FAU: variants seen among roughly 807,000 people sequenced by gnomAD.
FAU encodes the protein FAU ubiquitin like and ribosomal protein S30 fusion, also known as ubiquitin-like FUBI-ribosomal protein eS30 fusion protein.
For synonymous variants in FAU, 70 were observed against 69.9 expected, an observed-to-expected ratio of 1.00 and a Z score of -0.01; for missense variants, 125 against 173.9, an observed-to-expected ratio of 0.72 and a Z score of 1.58.
rs1279696659 is a variant in FAU, at chr11:65,121,367, A to T, written c.220+133T>A. ...GTTCAACATGAGGGATGTAAACAGGAAGAATCACTCTGAACTGAAGACAGT... is the reference window on the plus strand; with the variant it reads ...GTTCAACATGAGGGATGTAAACAGGTAGAATCACTCTGAACTGAAGACAGT... On this transcript the variant is annotated intron_variant, in intron 3 of 4. Transcript: ENST00000529639. 2.4e-6 allele frequency: 3 copies of T among 1,236,500 alleles called. No individual in the cohort carries two copies. In the Admixed American group the frequency reaches 7.3e-5, roughly 30 times the overall value. The allele number at this position is 1,236,500 out of a possible 1,614,324, so 76.6% of individuals were successfully genotyped here. A position where few individuals can be genotyped will look rare whatever the true frequency, so the allele number is the denominator to read the frequency against.
intron 3 of FAU, 107 bp downstream of exon 3, chr11:65,121,393 G>T (rs1299721808): frequency 2.1e-6 from 3 of 1,399,874 alleles, no homozygotes; most frequent in Admixed American, 4.4e-5. Flanking sequence ...TGAAGACAGT[G>T]AGAAGTACTC....
Position 65,121,830 on chromosome 11 carries a change from A to C in FAU, c.-8-9T>G. 6.2e-7 allele frequency: 1 copy of C among 1,613,782 alleles called. No individual in the cohort carries two copies. Among genetic ancestry groups the C allele is most frequent in the Non-Finnish European group, 8.5e-7 (1 of 1,179,812 alleles). On this transcript the variant is annotated splice_polypyrimidine_tract_variant and intron_variant, in intron 1 of 4. Coordinates refer to ENST00000529639, the MANE Select transcript of FAU (RefSeq NM_001997.5). ...GAGCTGCATATTGGCGACTGAGTAA[A>C]GAAAAGACGGCTTGTAAGAGAAGCC...
rs878990317 is a variant in FAU, at chr11:65,121,647, A to T, written c.76-3T>A. On this transcript the variant is annotated splice_region_variant and splice_polypyrimidine_tract_variant and intron_variant, in intron 2 of 4. Transcript: ENST00000529639. ...CCCTCCAGTGAGGCTACATGAGCCT[A>T]CAGGGAAAGATAAGGCTCGTAAGCG... is the stretch of plus-strand genomic sequence containing the variant. 6.2e-7 allele frequency: 1 copy of T among 1,613,926 alleles called. No individual in the cohort carries two copies. The highest frequency in any genetic ancestry group is 8.5e-7 in the Non-Finnish European group (1 of 1,179,964).
In FAU at chr11:65,121,739, C is replaced by T. The variant is rs1456525190; in HGVS notation, c.75G>A (p.Lys25=). The T allele has an allele frequency of 3.7e-6, 6 of 1,613,994 alleles. No homozygotes were observed. In the South Asian group the frequency reaches 6.6e-5, roughly 18 times the overall value. ...CCCAGGGCGCACCAAGCAGCCTTACCTTGATCTGGGCGACCGTTTCCTGGC... is the reference window on the plus strand; with the variant it reads ...CCCAGGGCGCACCAAGCAGCCTTACTTTGATCTGGGCGACCGTTTCCTGGC... ...VTGQETVAQI[K]AHVASLEGIA... is the part of the protein sequence containing the mutation. Residue 25 remains lysine (K), a splice_region_variant and synonymous_variant, in exon 2 of 5, where the codon AAG becomes AAA. Transcript: ENST00000529639.
rs1244527126 is a variant in FAU, at chr11:65,121,181, C to G, written c.221-145G>C. The stretch of plus-strand genomic sequence containing the variant: ...AGTTGCAGATATTTGACCTTGAAAT[C>G]TTAAGTTTCATTTCAGGATCTTCCA... On this transcript the variant is annotated intron_variant, in intron 3 of 4. Coordinates refer to ENST00000529639, the MANE Select transcript of FAU (RefSeq NM_001997.5). 8.8e-6 allele frequency: 8 copies of G among 908,482 alleles called. No individual in the cohort carries two copies. In the African/African-American group the frequency reaches 1.0e-4, roughly 11 times the overall value. 56.3% of individuals were successfully genotyped at this position (908,482 alleles called of 1,614,324 possible).
Position 65,120,775 on chromosome 11 carries a change from G to A in FAU, c.308C>T (p.Thr103Ile). The A allele has an allele frequency of 6.2e-7, 1 of 1,613,980 alleles. No homozygotes were observed. The highest frequency in any genetic ancestry group is 8.5e-7 in the Non-Finnish European group (1 of 1,179,928). The change falls in exon 5 of 5, where the codon ACA (threonine) becomes ATA (isoleucine). Residue 103 changes from threonine to isoleucine, a missense_variant. By Grantham distance (89) the Thr-to-Ile change is moderately conservative (BLOSUM62 -1). Coordinates refer to ENST00000529639, the MANE Select transcript of FAU (RefSeq NM_001997.5). The part of the protein sequence containing the change: ...VAKQEKKKKK[T>I]GRAKRRMQYN... ...CTGCATCCGCCGCTTAGCCCGACCT[G>A]TCTTCTTCTTCTTCTTCTCCTGTTT... is the stretch of plus-strand genomic sequence containing the variant.
At chr11:65,121,227 C>T in intron 3 of FAU, 191 bp from the exon 4 acceptor site, 2 of 751,260 alleles carry the variant, frequency 2.7e-6, no homozygotes, top group Non-Finnish European at 4.2e-6. Context: ...TTATAGAGCA[C>T]TTTGGGGGCC....
In FAU at chr11:65,121,565, G is replaced by T; in HGVS notation, c.155C>A (p.Ala52Asp). Reference sequence around the variant, plus strand: ...CTCCACCCCGCACTGGCCCAGAGTGGCCTCATCCTCCAGGGGCGCGCCTGC... The same window carrying T: ...CTCCACCCCGCACTGGCCCAGAGTGTCCTCATCCTCCAGGGGCGCGCCTGC... ...LLAGAPLEDE[A>D]TLGQCGVEAL... Residue 52 changes from alanine (A) to aspartate (D), a missense_variant, in exon 3 of 5, where the codon GCC becomes GAC. By Grantham distance (126) the Ala-to-Asp change is moderately radical. Transcript: ENST00000529639. 6.2e-7 allele frequency: 1 copy of T among 1,613,998 alleles called. No individual in the cohort carries two copies. The highest frequency in any genetic ancestry group is 1.1e-5 in the South Asian group (1 of 91,080).
At position 65,121,807 on chromosome 11, in the gene FAU, G is replaced by A. The variant is rs1184758783; in HGVS notation, c.7C>T (p.Leu3Phe). 4 of 1,614,056 alleles carry A rather than the reference G, an allele frequency of 2.5e-6. No individual in the cohort carries two copies. In the South Asian group the frequency reaches 3.3e-5, roughly 13 times the overall value. Residue 3 changes from leucine to phenylalanine, a missense_variant, in exon 2 of 5, where the codon CTC becomes TTC. Transcript: ENST00000529639. ...TGTAGCTCCTGGGCGCGGACAAAGA[G>A]CTGCATATTGGCGACTGAGTAAAGA... MQ[L>F]FVRAQELHTF...
chr11:65,121,234 G>C (rs1251288717), intron 3 of FAU, 198 bp from the exon 4 acceptor site: 2 of 738,668 alleles, frequency 2.7e-6, no homozygotes, highest in Non-Finnish European at 4.3e-6. Flanking sequence ...GCACTTTGGG[G>C]GCCCTGGTCT....
intron 1 of FAU, 58 bp from the exon 2 acceptor site, chr11:65,121,879 G>C: frequency 6.4e-7 from 1 of 1,566,850 alleles, no homozygotes; most frequent in South Asian, 1.1e-5. Context: ...GGATAAAGGA[G>C]ATTTGGGAGT....
rs762786016 is a variant in FAU, at chr11:65,120,747, G to A, written c.336C>T (p.Tyr112=). The change falls in exon 5 of 5, where the codon TAC becomes TAT. Residue 112 remains tyrosine, a synonymous_variant. Transcript: ENST00000529639. The part of the protein sequence containing the change: ...KTGRAKRRMQ[Y]NRRFVNVVPT... ...GCACAACGTTGACAAAGCGCCGGTT[G>A]TACTGCATCCGCCGCTTAGCCCGAC... 3 of 1,614,196 alleles carry A rather than the reference G, an allele frequency of 1.9e-6. No homozygotes were observed. The highest frequency in any genetic ancestry group is 4.5e-5 in the East Asian group (2 of 44,888).
At chr11:65,121,924 T>C in intron 1 of FAU, 103 bp from the exon 2 acceptor site, 3 of 1,224,968 alleles carry the variant, frequency 2.4e-6, no homozygotes, top group Non-Finnish European at 3.5e-6. Context: ...GACGGGATGG[T>C]GGTCGCGGCG....
intron 1 of FAU, 110 bp from the exon 2 acceptor site, chr11:65,121,931 G>C: frequency 8.6e-7 from 1 of 1,161,664 alleles, no homozygotes; most frequent in Non-Finnish European, 1.2e-6. Context: ...TGGTGGTCGC[G>C]GCGGCTCACG....
In FAU at chr11:65,121,617, C is replaced by A; in HGVS notation, c.103G>T (p.Ala35Ser). 3 of 1,614,002 alleles carry A rather than the reference C, an allele frequency of 1.9e-6. No individual in the cohort carries two copies. Among genetic ancestry groups the A allele is most frequent in the Non-Finnish European group, 2.5e-6 (3 of 1,180,016 alleles). Reference protein sequence around the residue: ...KAHVASLEGIAPEDQVVLLAG... With the variant: ...KAHVASLEGISPEDQVVLLAG... ...AGGAGCACGACTTGATCTTCCGGGG[C>A]AATGCCCTCCAGTGAGGCTACATGA... Residue 35 changes from alanine to serine, a missense_variant, in exon 3 of 5, where the codon GCC becomes TCC. Coordinates refer to ENST00000529639, the MANE Select transcript of FAU (RefSeq NM_001997.5).
rs768653665 is a variant in FAU, at chr11:65,120,834, T to C, written c.277-28A>G. 32 of 1,613,592 alleles carry C rather than the reference T, an allele frequency of 2.0e-5. No individual in the cohort carries two copies. The East Asian group carries it at 7.1e-4, about 36-fold the overall frequency. ...GGAGAAGGGAAGGTTAATCAGGCCC[T>C]GGTTCCTGTCTTCCACACCTAGCAT... On this transcript the variant is annotated intron_variant, in intron 4 of 4. Transcript: ENST00000529639.
At chr11:65,121,984 A>T in intron 1 of FAU, 106 bp downstream of exon 1, 2 of 692,610 alleles carry the variant, frequency 2.9e-6, no homozygotes, top group East Asian at 5.4e-5. Flanking sequence ...TAGGGACTGG[A>T]GCAGGGCCAC....
In FAU at chr11:65,121,056, C is replaced by G. The variant is rs373111392; in HGVS notation, c.221-20G>C. 4 of 1,613,806 alleles carry G rather than the reference C, an allele frequency of 2.5e-6. No homozygotes were observed. The African/African-American group carries it at 5.3e-5, about 22-fold the overall frequency. ...CTTTACCTGTAGTGGGAAAGGAAGGCACCAGCAGGTAAGAGCAAGAAGGTG... is the reference window on the plus strand; with the variant it reads ...CTTTACCTGTAGTGGGAAAGGAAGGGACCAGCAGGTAAGAGCAAGAAGGTG... On this transcript the variant is annotated intron_variant, in intron 3 of 4. Transcript: ENST00000529639.
intron 3 of FAU, 42 bp downstream of exon 3, chr11:65,121,458 G>T: frequency 6.3e-7 from 1 of 1,599,110 alleles, no homozygotes; most frequent in Non-Finnish European, 8.5e-7. Context: ...ACACTCACTA[G>T]ACGCTTACCG....
Sources: gnomAD v4.1 joint callset for allele counts on GRCh38, gnomAD v4.1.1 for gene constraint, MANE v1.5 for transcripts, NCBI Gene and HGNC (gene_info 2026-07-23, HGNC 2026-07-21) for gene names.